CFHR5: variants seen among roughly 807,000 people sequenced by gnomAD.
CFHR5 encodes complement factor H related 5.
In CFHR5, 73 loss-of-function variants were observed where a neutral mutation model predicts 62.9. That is an observed-to-expected ratio of 1.16 (90% confidence interval 0.96 to 1.41). The LOEUF is 1.41. CFHR5 is among the 40% of genes most tolerant of loss of function. The pLI is 0.00. For missense variants in CFHR5, 779 were observed against 679.9 expected (o/e 1.15, Z -1.62); for synonymous variants, 249 against 227.2 (o/e 1.10, Z -0.86).
intron 3 of CFHR5, among the ~76,000 whole-genome samples, chr1:196,989,112 C>T (rs991955225): frequency 7.2e-5 from 11 of 152,068 alleles, no homozygotes; most frequent in Admixed American, 1.3e-4. Context: ...ATGTATGTGT[C>T]GAGGAATTTA....
chr1:196,996,400 C>A (rs1028735760), intron 6 of CFHR5, among the ~76,000 whole-genome samples, 199 bp downstream of exon 6: 1 of 152,094 alleles, frequency 6.6e-6, no homozygotes, highest in Non-Finnish European at 1.5e-5. Context: ...TATTACTGCA[C>A]AGATTTCTTC....
rs1422566075 is a variant in CFHR5, at chr1:197,002,755, A to G, written c.1330+91A>G. On this transcript the variant is annotated intron_variant, in intron 8 of 9. Coordinates refer to ENST00000256785, the MANE Select transcript of CFHR5 (RefSeq NM_030787.4). ...AAGAAAGAAACAAGAACTTATGACT[A>G]ATCTGTTGCACTGTACCCCAAAGCC... 7.5e-6 allele frequency: 8 copies of G among 1,068,976 alleles called. No homozygotes were observed. In the East Asian group the frequency reaches 2.0e-4, roughly 27 times the overall value. 66.2% of individuals were successfully genotyped at this position (1,068,976 alleles called of 1,614,324 possible).
chr1:196,989,888 G>A (rs530017380), intron 3 of CFHR5, among the ~76,000 whole-genome samples: 53 of 152,190 alleles, frequency 3.5e-4, no homozygotes, highest in Admixed American at 5.2e-4. Flanking sequence ...TATTAGGTCC[G>A]CTTGGTGCAG....
chr1:197,003,792 G>A (rs569007599), intron 8 of CFHR5, among the ~76,000 whole-genome samples: 8 of 152,260 alleles, frequency 5.3e-5, no homozygotes, highest in African/African-American at 1.9e-4. Context: ...AGAAGATATG[G>A]AGAAAGTGAA....
chr1:197,001,692 TCCCTCCC>T (rs1230246544), intron 7 of CFHR5, among the ~76,000 whole-genome samples: 1 of 138,030 alleles, frequency 7.2e-6, no homozygotes, highest in Non-Finnish European at 1.6e-5. Context: ...CCTAATGCTA[TCCCTCCC>T]CCCTCCCCCC....
intron 3 of CFHR5, among the ~76,000 whole-genome samples, chr1:196,990,300 C>A (rs1320482454): frequency 6.6e-6 from 1 of 152,040 alleles, no homozygotes; most frequent in East Asian, 1.9e-4. Context: ...ATACAGCACA[C>A]TGATGGGTCT....
intron 3 of CFHR5, among the ~76,000 whole-genome samples, chr1:196,992,466 A>G (rs1187363671): frequency 6.6e-6 from 1 of 152,150 alleles, no homozygotes; most frequent in East Asian, 1.9e-4. Flanking sequence ...AAAATCCCCC[A>G]ACCCCTTGCA....
At chr1:196,982,860 T>C (rs1571511999) in intron 1 of CFHR5, 25 bp from the exon 2 acceptor site, 2 of 1,592,050 alleles carry the variant, frequency 1.3e-6, no homozygotes, top group South Asian at 2.2e-5. Flanking sequence ...TATTTAATTC[T>C]TCAGTTTTGT....
chr1:196,995,850 G>A lies in CFHR5; in HGVS notation c.741G>A (p.Lys247=), dbSNP rs886045750. 1 of 1,613,416 alleles carries A rather than the reference G, an allele frequency of 6.2e-7. No individual in the cohort carries two copies. The highest frequency in any genetic ancestry group is 1.1e-5 in the South Asian group (1 of 91,070). ...CTAATTTTATAATAAACGGGCCTAA[G>A]AAAATACAATGTGTGGATGGAGAAT... ...CNPNFIINGP[K]KIQCVDGEWT... The change falls in exon 5 of 10, where the codon AAG becomes AAA. Residue 247 remains lysine (K), a synonymous_variant. Coordinates refer to ENST00000256785, the MANE Select transcript of CFHR5 (RefSeq NM_030787.4).
At chr1:197,002,972 G>A (rs569471428) in intron 8 of CFHR5, among the ~76,000 whole-genome samples, 3 of 152,136 alleles carry the variant, frequency 2.0e-5, no homozygotes, top group Non-Finnish European at 2.9e-5. Context: ...TGTCACAATG[G>A]CCTATAGTAT....
In CFHR5 at chr1:196,995,754, C is replaced by T. The variant is rs775016574; in HGVS notation, c.645C>T (p.Ser215=). The T allele has an allele frequency of 5.0e-6, 8 of 1,613,128 alleles. No homozygotes were observed. The highest frequency in any genetic ancestry group is 3.4e-6 in the Non-Finnish European group (4 of 1,179,442). ...VRSCGPPPQL[S]NGEVKEIRKE... ...CATGTGGTCCACCTCCTCAACTCTC[C>T]AATGGTGAAGTTAAGGAGATAAGAA... Residue 215 remains serine (S), a synonymous_variant, in exon 5 of 10, where the codon TCC becomes TCT. Transcript: ENST00000256785.
chr1:196,987,055 G>C (rs1005670316), intron 3 of CFHR5, among the ~76,000 whole-genome samples: 3 of 152,080 alleles, frequency 2.0e-5, no homozygotes, highest in African/African-American at 7.2e-5. Context: ...TTTAATGATC[G>C]CCATTCTAAC....
intron 1 of CFHR5, among the ~76,000 whole-genome samples, chr1:196,979,256 C>CTGTGTGTGTGTGTGTG (rs57862148): frequency 2.6e-4 from 39 of 148,462 alleles, no homozygotes; most frequent in African/African-American, 9.2e-4. Flanking sequence ...AGGTAATTGT[C>CTGTGTGTGTGTGTGTG]TGTGTGTGTG....
At chr1:196,983,149 A>C in intron 2 of CFHR5, 70 bp downstream of exon 2, 3 of 1,597,106 alleles carry the variant, frequency 1.9e-6, no homozygotes, top group Non-Finnish European at 2.6e-6. Flanking sequence ...GGACAAGATC[A>C]TAAGGTCTTG....
At chr1:196,999,698 T>TAC (rs1164046894) in intron 7 of CFHR5, among the ~76,000 whole-genome samples, 6 of 35,188 alleles carry the variant, frequency 1.7e-4, no homozygotes, top group Non-Finnish European at 2.9e-4. Flanking sequence ...TATATATATA[T>TAC]ATATATATAT....
rs760562488 is a variant in CFHR5 at position 197,008,495 on chromosome 1, G to T, written c.1522G>T (p.Val508Leu). 6.3e-7 allele frequency: 1 copy of T among 1,588,574 alleles called. No homozygotes were observed. The highest frequency in any genetic ancestry group is 1.1e-5 in the South Asian group (1 of 88,524). The stretch of plus-strand genomic sequence containing the variant: ...ACCATTTCTTCTTTCAGATCCATGT[G>T]TGGTATCTGAAGAAAACATGAACAA... The part of the protein sequence containing the change: ...SEPPRCLDPC[V>L]VSEENMNKNN... Residue 508 changes from valine (V) to leucine (L), a missense_variant, in exon 10 of 10, where the codon GTG becomes TTG. Val to Leu is a conservative substitution (Grantham distance 32). Transcript: ENST00000256785.
At chr1:197,006,923 G>A (rs370964989) in intron 9 of CFHR5, among the ~76,000 whole-genome samples, 10 of 149,340 alleles carry the variant, frequency 6.7e-5, no homozygotes, top group South Asian at 2.1e-4. Flanking sequence ...TGCAACCTCC[G>A]CCTCCTGGGT....
intron 9 of CFHR5, among the ~76,000 whole-genome samples, chr1:197,005,663 A>C (rs1379921655): frequency 6.6e-6 from 1 of 152,058 alleles, no homozygotes; most frequent in Non-Finnish European, 1.5e-5. Context: ...ATTTCCATAA[A>C]CCCCTCTGTT....
rs1358455299 is a variant in CFHR5, at chr1:196,995,772, G to A, written c.663G>A (p.Glu221=). 6.2e-7 allele frequency: 1 copy of A among 1,613,364 alleles called. No individual in the cohort carries two copies. The highest frequency in any genetic ancestry group is 1.1e-5 in the South Asian group (1 of 91,072). ...PPQLSNGEVK[E]IRKEEYGHNE... ...AACTCTCCAATGGTGAAGTTAAGGA[G>A]ATAAGAAAAGAGGAATATGGACACA... The change falls in exon 5 of 10, where the codon GAG becomes GAA. Residue 221 remains glutamate, a synonymous_variant. Transcript: ENST00000256785.
Sources: gnomAD v4.1 joint callset for allele counts (sites outside exome capture counted in the v4.1 genomes callset) on GRCh38, gnomAD v4.1.1 for gene constraint, MANE v1.5 for transcripts, NCBI Gene and HGNC (gene_info 2026-07-23, HGNC 2026-07-21) for gene names.